COX7A2L: variants seen among roughly 807,000 people sequenced by gnomAD.
The protein encoded by COX7A2L is cytochrome c oxidase subunit 7A2-like, mitochondrial.
Under a neutral mutation model 14.2 loss-of-function variants are expected in COX7A2L, and 18 were observed. The ratio of observed to expected loss-of-function variants is 1.27; its 90% confidence interval spans 0.88 to 1.88. The LOEUF (loss-of-function observed/expected upper bound fraction) is 1.88, where lower values mean the gene tolerates loss of function less well. Ranked by LOEUF, COX7A2L falls within the 40% of genes most tolerant of loss-of-function variation. COX7A2L has a pLI of 0.00. For synonymous variants in COX7A2L, 65 were observed against 57.4 expected (o/e 1.13, Z -0.60); for missense variants, 179 against 138.8 (o/e 1.29, Z -1.46).
chr2:42,368,742 G>C (rs1671215341), intron 1 of COX7A2L: 1 of 152,222 alleles, frequency 6.6e-6, no homozygotes. Context: ...GTTATTACTA[G>C]TAGTTGCAGC....
At position 42,339,198 on chromosome 2, in the gene COX7A2L, T is replaced by A. The variant is rs1670349269; in HGVS notation, c.193-5329A>T. 6.6e-6 allele frequency among the ~76,000 whole-genome samples: 1 copy of A among 152,228 alleles called. No individual in the cohort carries two copies. The highest frequency in any genetic ancestry group is 1.5e-5 in the Non-Finnish European group (1 of 68,038). On this transcript the variant is annotated intron_variant, in intron 2 of 2. Transcript: ENST00000468711. The surrounding 1 kb of genome is among the most constrained non-coding windows in gnomAD (Gnocchi z 5.4). Reference sequence around the variant, plus strand: ...TTTAGTAGTTAATTACTTTTTTTATTAACCATTATCAAGTTTAAACACAAG... The same window carrying A: ...TTTAGTAGTTAATTACTTTTTTTATAAACCATTATCAAGTTTAAACACAAG...
rs1292688893 is a variant in COX7A2L, at chr2:42,351,186, G to A, written c.*33C>T. 7.6e-6 allele frequency: 12 copies of A among 1,584,446 alleles called. No homozygotes were observed. Among genetic ancestry groups the A allele is most frequent in the Non-Finnish European group, 1.0e-5 (12 of 1,165,800 alleles). ...GAAAAAGGAACTTCAAAGGGTTTAT[G>A]CCAAAAAACAAACCAGTCCTCTGCA... On this transcript the variant is annotated 3_prime_UTR_variant, in exon 3 of 3. Coordinates refer to ENST00000234301, the MANE Select transcript of COX7A2L (RefSeq NM_004718.4).
upstream of COX7A2L, among the ~76,000 whole-genome samples, chr2:42,366,211 C>T (rs779958218): frequency 6.6e-6 from 1 of 152,224 alleles, no homozygotes; most frequent in Non-Finnish European, 1.5e-5. Context: ...CAGCGGATCA[C>T]TTGAGTCCAG....
upstream of COX7A2L, among the ~76,000 whole-genome samples, chr2:42,362,649 A>C (rs1671084128): frequency 6.6e-6 from 1 of 152,168 alleles, no homozygotes; most frequent in Non-Finnish European, 1.5e-5. Flanking sequence ...TTCCAGGGTG[A>C]GGGTGTACAC....
rs182053729 is a variant in COX7A2L, at chr2:42,349,799, A to G, written c.*1420T>C. Reference sequence around the variant, plus strand: ...TGTCCTTACTCAGAAGATACCTGCTAAAGTACTATGGCTGATTTATCATAA... The same window carrying G: ...TGTCCTTACTCAGAAGATACCTGCTGAAGTACTATGGCTGATTTATCATAA... On this transcript the variant is annotated 3_prime_UTR_variant, in exon 3 of 3. Coordinates refer to ENST00000234301, the MANE Select transcript of COX7A2L (RefSeq NM_004718.4). The G allele has an allele frequency of 7.9e-5, 12 of 152,328 alleles. No homozygotes were observed. Among genetic ancestry groups the G allele is most frequent in the Admixed American group, 2.6e-4 (4 of 15,306 alleles). The allele number at this position is 152,328 out of a possible 1,614,324, so 9.4% of individuals were successfully genotyped here.
At chr2:42,352,238 T>C (rs541286966) in intron 2 of COX7A2L, among the ~76,000 whole-genome samples, 3 of 152,286 alleles carry the variant, frequency 2.0e-5, no homozygotes, top group South Asian at 2.1e-4. Context: ...GGCTCAATCA[T>C]AGCTCACTGC....
intron 2 of COX7A2L, 125 bp downstream of exon 2, chr2:42,353,087 G>A: frequency 8.5e-7 from 1 of 1,173,156 alleles, no homozygotes; most frequent in Non-Finnish European, 1.2e-6. Context: ...CTAAAATCAA[G>A]AGAATACTAC....
At chr2:42,341,922 C>G (rs1231817126) in intron 2 of COX7A2L, among the ~76,000 whole-genome samples, 1 of 152,214 alleles carries the variant, frequency 6.6e-6, no homozygotes, top group African/African-American at 2.4e-5. Flanking sequence ...TCAAACACCA[C>G]TGAACTTTGA....
At chr2:42,355,049 A>G (rs1231547477) in intron 1 of COX7A2L, among the ~76,000 whole-genome samples, 1 of 152,238 alleles carries the variant, frequency 6.6e-6, no homozygotes, top group African/African-American at 2.4e-5. Context: ...GCCTTTCTCA[A>G]GTCCAGAGCC....
At chr2:42,352,211 C>T (rs368519227) in intron 2 of COX7A2L, among the ~76,000 whole-genome samples, 1 of 152,114 alleles carries the variant, frequency 6.6e-6, no homozygotes, top group African/African-American at 2.4e-5. Context: ...ACTCTGCTAC[C>T]CAGGCTAGAA....
rs758961371 is a variant in COX7A2L at position 42,361,192 on chromosome 2, TG to T, written c.-32del. The T allele has an allele frequency of 3.8e-6, 6 of 1,578,008 alleles. No individual in the cohort carries two copies. In the Admixed American group the frequency reaches 9.0e-5, roughly 24 times the overall value. On this transcript the variant is annotated 5_prime_UTR_variant, in exon 1 of 3. Transcript: ENST00000234301. ...CCAGAGTCCGGCTTCCCGCATCCGC[TG>T]CCAACGCGACCGCCCCAGAGAAGGA...
intron 1 of COX7A2L, 109 bp downstream of exon 1, chr2:42,360,981 G>T: frequency 8.6e-7 from 1 of 1,166,466 alleles, no homozygotes; most frequent in South Asian, 1.3e-5. Context: ...GAACAGAGAC[G>T]AACTCGACCG....
At chr2:42,335,580 A>C (rs571906948) in intron 2 of COX7A2L, among the ~76,000 whole-genome samples, 1 of 152,328 alleles carries the variant, frequency 6.6e-6, no homozygotes, top group African/African-American at 2.4e-5. Flanking sequence ...AACATGTATT[A>C]ACTCAATCTT....
At chr2:42,362,268 G>C (rs1671075183), upstream of COX7A2L, among the ~76,000 whole-genome samples, 2 of 152,168 alleles carry the variant, frequency 1.3e-5, no homozygotes, top group African/African-American at 4.8e-5. Context: ...TGTAAAAGGA[G>C]TATACTAGTT....
downstream of COX7A2L, among the ~76,000 whole-genome samples, chr2:42,346,231 G>C (rs1670495216): frequency 6.6e-6 from 1 of 152,158 alleles, no homozygotes; most frequent in Non-Finnish European, 1.5e-5. Context: ...ATGAGAAACA[G>C]AGAAAGCTGG....
Position 42,361,201 on chromosome 2 carries a change from G to A in COX7A2L, c.-40C>T, listed in dbSNP as rs767425420. On this transcript the variant is annotated 5_prime_UTR_variant, in exon 1 of 3. Transcript: ENST00000234301. ...GGCTTCCCGCATCCGCTGCCAACGC[G>A]ACCGCCCCAGAGAAGGACCCCGCCT... 47 of 1,559,596 alleles carry A rather than the reference G, an allele frequency of 3.0e-5. No individual in the cohort carries two copies. In the East Asian group the frequency reaches 9.1e-4, roughly 30 times the overall value.
At chr2:42,346,899 C>G (rs920036282), downstream of COX7A2L, among the ~76,000 whole-genome samples, 1 of 152,026 alleles carries the variant, frequency 6.6e-6, no homozygotes, top group Non-Finnish European at 1.5e-5. Flanking sequence ...GCCCATTTAT[C>G]TCCAGAGTAC....
At position 42,338,830 on chromosome 2, in the gene COX7A2L, G is replaced by C. The variant is rs1429739899; in HGVS notation, c.193-4961C>G. Among the ~76,000 whole-genome samples the C allele has an allele frequency of 6.6e-6, 1 of 152,236 alleles. No homozygotes were observed. Among genetic ancestry groups the C allele is most frequent in the South Asian group, 2.1e-4 (1 of 4,830 alleles). On this transcript the variant is annotated intron_variant, in intron 2 of 2. Transcript: ENST00000468711. The surrounding 1 kb of genome is among the most constrained non-coding windows in gnomAD (Gnocchi z 4.4). ...GGGTTTAGGTGTTATCTGTGCGGCA[G>C]AGGTACCATCTCCCATGTCTAGAAA... is the stretch of plus-strand genomic sequence containing the variant.
chr2:42,358,552 C>G (rs375809101), intron 1 of COX7A2L, among the ~76,000 whole-genome samples: 11 of 152,326 alleles, frequency 7.2e-5, no homozygotes, highest in African/African-American at 2.6e-4. Context: ...TGGGAGGGCA[C>G]CTGTCACAAT....
Sources: gnomAD v4.1 joint callset for allele counts (sites outside exome capture counted in the v4.1 genomes callset) on GRCh38, gnomAD v4.1.1 for gene constraint, Gnocchi (gnomAD v3.1) non-coding constraint, MANE v1.5 for transcripts, NCBI Gene and HGNC (gene_info 2026-07-23, HGNC 2026-07-21) for gene names.